The following SLC8A1 variants were observed in gnomAD, a reference collection of about 807,000 sequenced individuals.
SLC8A1 encodes solute carrier family 8 member A1.
In SLC8A1, 18 loss-of-function variants were observed where a neutral mutation model predicts 68.3. That is an observed-to-expected ratio of 0.26 (90% CI 0.18 to 0.39). The LOEUF is 0.39. SLC8A1 is among the 10% of genes least tolerant of loss of function. SLC8A1 has a pLI of 1.00. For missense variants in SLC8A1, 985 were observed against 1,156.7 expected (o/e 0.85, Z 2.15); for synonymous variants, 475 against 415.5 (o/e 1.14, Z -1.74).
chr2:40,307,197 A>G lies in SLC8A1; in HGVS notation c.1808+121276T>C, dbSNP rs117300905. Reference sequence around the variant, plus strand: ...AACACATACACACACACACACCAATATAACAGAATGTTATTCAGCCTTAAA... The same window carrying G: ...AACACATACACACACACACACCAATGTAACAGAATGTTATTCAGCCTTAAA... On this transcript the variant is annotated intron_variant, in intron 2 of 7. Transcript: ENST00000406785. Among the ~76,000 whole-genome samples, 50 of 152,130 alleles carry G rather than the reference A, an allele frequency of 3.3e-4. No individual in the cohort carries two copies. The East Asian group carries it at 7.8e-3, about 24-fold the overall frequency.
At chr2:40,218,430 A>T (rs1379937302) in intron 2 of SLC8A1, among the ~76,000 whole-genome samples, 1 of 152,232 alleles carries the variant, frequency 6.6e-6, no homozygotes, top group East Asian at 1.9e-4. Flanking sequence ...GGTTAAAATT[A>T]CCATTACATA....
chr2:40,250,163 A>T (rs2062513021), intron 2 of SLC8A1: 1 of 152,238 alleles, frequency 6.6e-6, no homozygotes, highest in Non-Finnish European at 1.5e-5. Flanking sequence ...GTTGTCTGGA[A>T]ATAAGTAAAT....
At chr2:40,423,381 A>G (rs1307007829) in intron 2 of SLC8A1, among the ~76,000 whole-genome samples, 1 of 152,130 alleles carries the variant, frequency 6.6e-6, no homozygotes, top group African/African-American at 2.4e-5. Flanking sequence ...CCATCTCATT[A>G]TCTCCCATTT....
intron 2 of SLC8A1, among the ~76,000 whole-genome samples, chr2:40,339,501 A>G (rs1667036613): frequency 6.6e-6 from 1 of 152,250 alleles, no homozygotes; most frequent in African/African-American, 2.4e-5. Context: ...TGTTCTAGAA[A>G]CATATATTCT....
chr2:40,105,926 T>G (rs1195919694), exon 8 of SLC8A1: 2 of 152,204 alleles, frequency 1.3e-5, no homozygotes, highest in African/African-American at 2.4e-5. Flanking sequence ...AGGTTTCCCC[T>G]GCTTAGCTGC....
At chr2:40,261,172 C>A (rs1049263137) in intron 2 of SLC8A1, among the ~76,000 whole-genome samples, 7 of 152,150 alleles carry the variant, frequency 4.6e-5, no homozygotes, top group African/African-American at 1.4e-4. Context: ...ACTGGAAGGC[C>A]AGTCTGGGGC....
At chr2:40,447,162 G>C (rs545470759) in intron 1 of SLC8A1, among the ~76,000 whole-genome samples, 10 of 152,260 alleles carry the variant, frequency 6.6e-5, no homozygotes, top group African/African-American at 2.4e-4. Context: ...CCATTTGTCT[G>C]AATTGGTATC....
intron 2 of SLC8A1, among the ~76,000 whole-genome samples, chr2:40,357,052 A>C (rs1433751114): frequency 6.6e-6 from 1 of 152,162 alleles, no homozygotes; most frequent in Admixed American, 6.5e-5. Context: ...GAACACAGCA[A>C]GAAGAACTTT....
intron 7 of SLC8A1, among the ~76,000 whole-genome samples, chr2:40,133,860 C>T (rs1294342288): frequency 6.6e-6 from 1 of 152,108 alleles, no homozygotes; most frequent in Non-Finnish European, 1.5e-5. Context: ...CCCAATATAC[C>T]CAAGGCTTAT....
At chr2:40,493,187 C>A (rs1705435549) in intron 1 of SLC8A1, among the ~76,000 whole-genome samples, 1 of 152,032 alleles carries the variant, frequency 6.6e-6, no homozygotes, top group Non-Finnish European at 1.5e-5. Flanking sequence ...GAGTTCCTGT[C>A]CTTCGTAGGG....
chr2:40,414,854 T>A (rs1356510360), intron 2 of SLC8A1, among the ~76,000 whole-genome samples: 1 of 152,122 alleles, frequency 6.6e-6, no homozygotes, highest in Non-Finnish European at 1.5e-5. Context: ...TTGAAAAAAA[T>A]ACTATTGGTT....
At chr2:40,254,610 A>ATTTTCCTTCAGAAAATTGTGAGT (rs2063581108) in intron 2 of SLC8A1, 2 of 152,124 alleles carry the variant, frequency 1.3e-5, no homozygotes, top group Admixed American at 1.3e-4. Context: ...ATTATTTCTA[A>ATTTTCCTTCAGAAAATTGTGAGT]TTTTCCTTCA....
exon 8 of SLC8A1, chr2:40,107,871 T>C (rs537922184): frequency 2.0e-5 from 3 of 152,200 alleles, no homozygotes; most frequent in African/African-American, 7.2e-5. Context: ...CTAACTATCA[T>C]TATAAATATT....
intron 2 of SLC8A1, among the ~76,000 whole-genome samples, chr2:40,246,705 T>C (rs757222944): frequency 1.4e-4 from 22 of 152,316 alleles, no homozygotes; most frequent in South Asian, 8.3e-4. Flanking sequence ...GGTGAAGTCA[T>C]ATTGCTTTGA....
intron 6 of SLC8A1, among the ~76,000 whole-genome samples, chr2:40,145,017 G>T (rs1287725167): frequency 6.6e-6 from 1 of 152,066 alleles, no homozygotes; most frequent in Non-Finnish European, 1.5e-5. Context: ...CTCTAAACAT[G>T]TGCATCCTTC....
At chr2:40,323,513 T>G in intron 2 of SLC8A1, among the ~76,000 whole-genome samples, 1 of 152,178 alleles carries the variant, frequency 6.6e-6, no homozygotes, top group African/African-American at 2.4e-5. Context: ...TCCTAACTTC[T>G]TTTTTCAATC....
chr2:40,224,976 G>T (rs2148863429), intron 2 of SLC8A1, among the ~76,000 whole-genome samples: 1 of 152,256 alleles, frequency 6.6e-6, no homozygotes, highest in South Asian at 2.1e-4. Flanking sequence ...CGAGAGTAAA[G>T]TTCATGTTTG....
chr2:40,443,073 G>A (rs1397938520), intron 1 of SLC8A1, among the ~76,000 whole-genome samples: 1 of 152,088 alleles, frequency 6.6e-6, no homozygotes, highest in Non-Finnish European at 1.5e-5. Flanking sequence ...ATGGACACAG[G>A]GAGGGGAACA....
At chr2:40,414,261 G>C (rs1693120619) in intron 2 of SLC8A1, among the ~76,000 whole-genome samples, 1 of 152,164 alleles carries the variant, frequency 6.6e-6, no homozygotes, top group Admixed American at 6.6e-5. Flanking sequence ...GGGAACTGTT[G>C]AGATTCTGGC....
Sources: gnomAD v4.1 joint callset for allele counts (sites outside exome capture counted in the v4.1 genomes callset) on GRCh38, gnomAD v4.1.1 for gene constraint, MANE v1.5 for transcripts, NCBI Gene and HGNC (gene_info 2026-07-23, HGNC 2026-07-21) for gene names.